The following CHURC1 variants were observed in gnomAD, a reference collection of about 807,000 sequenced individuals.
CHURC1 encodes the protein churchill domain containing 1.
A neutral mutation model predicts 15.4 loss-of-function variants in CHURC1; 12 were observed. That is an observed-to-expected ratio of 0.78 (90% CI 0.50 to 1.27). The LOEUF is 1.27. Ranked by LOEUF, CHURC1 falls within the 50% of genes most tolerant of loss-of-function variation. CHURC1 has a pLI of 0.00. For synonymous variants in CHURC1, 42 were observed against 47.5 expected, an observed-to-expected ratio of 0.88 and a Z score of 0.48; for missense variants, 132 against 137.8, an observed-to-expected ratio of 0.96 and a Z score of 0.21.
intron 1 of CHURC1, among the ~76,000 whole-genome samples, chr14:64,915,058 C>T (rs1022456043): frequency 6.6e-6 from 1 of 152,220 alleles, no homozygotes; most frequent in Admixed American, 6.5e-5. Flanking sequence ...ATCTCAGTTA[C>T]TTTCAGGTTC....
Position 64,932,282 on chromosome 14 carries a change from C to T in CHURC1, c.*52C>T. ...TATATTGTGTTGGTTTACAATACAG[C>T]AAGCCTGATGGTTTGTCTTATTTCA... On this transcript the variant is annotated 3_prime_UTR_variant, in exon 4 of 4. Transcript: ENST00000549115. 6.3e-7 allele frequency: 1 copy of T among 1,590,314 alleles called. No individual in the cohort carries two copies. Among genetic ancestry groups the T allele is most frequent in the Non-Finnish European group, 8.6e-7 (1 of 1,165,506 alleles).
intron 1 of CHURC1, among the ~76,000 whole-genome samples, chr14:64,916,186 A>G (rs533944544): frequency 6.6e-6 from 1 of 152,382 alleles, no homozygotes; most frequent in African/African-American, 2.4e-5. Context: ...CACATAAAGT[A>G]TAATTCAAAA....
intron 1 of CHURC1, among the ~76,000 whole-genome samples, chr14:64,919,274 T>C (rs1441440813): frequency 6.6e-6 from 1 of 152,256 alleles, no homozygotes; most frequent in Non-Finnish European, 1.5e-5. Context: ...CTTGAAATTT[T>C]GTTAGTAATG....
At chr14:64,932,033 A>G in intron 3 of CHURC1, 105 bp from the exon 4 acceptor site, 1 of 1,410,816 alleles carries the variant, frequency 7.1e-7, no homozygotes, top group Middle Eastern at 1.8e-4. Flanking sequence ...CAATGTACAG[A>G]AAGAATATTC....
chr14:64,935,317 T>A lies in CHURC1; in HGVS notation c.*3087T>A. 2 of 802,958 alleles carry A rather than the reference T, an allele frequency of 2.5e-6. No homozygotes were observed. Among genetic ancestry groups the A allele is most frequent in the Non-Finnish European group, 3.0e-6 (2 of 663,994 alleles). The allele number at this position is 802,958 out of a possible 1,614,324, so 49.7% of individuals were successfully genotyped here. On this transcript the variant is annotated 3_prime_UTR_variant, in exon 4 of 4. Transcript: ENST00000549115. ...ACCTGCACATCGTGCACATGTACCC[T>A]AAAACTTAAAGTATAATAATAATAA...
chr14:64,927,714 CCA>C (rs1220646437), intron 3 of CHURC1, among the ~76,000 whole-genome samples: 1 of 59,188 alleles, frequency 1.7e-5, no homozygotes, highest in Non-Finnish European at 3.1e-5. Flanking sequence ...ACTTCTCCCC[CCA>C]CCCCCCCCCC....
chr14:64,926,124 G>T (rs1222581938), intron 3 of CHURC1, 44 bp downstream of exon 3: 2 of 1,398,446 alleles, frequency 1.4e-6, no homozygotes, highest in Non-Finnish European at 9.8e-7. Flanking sequence ...GGGAGGTTAG[G>T]GGAATAATAA....
chr14:64,919,861 G>C (rs1418979346), intron 1 of CHURC1, among the ~76,000 whole-genome samples: 1 of 151,680 alleles, frequency 6.6e-6, no homozygotes, highest in Non-Finnish European at 1.5e-5. Flanking sequence ...TCCAGCCTGG[G>C]TGACAGAGTG....
chr14:64,921,097 A>T (rs1884260286), intron 1 of CHURC1, among the ~76,000 whole-genome samples: 1 of 152,196 alleles, frequency 6.6e-6, no homozygotes, highest in African/African-American at 2.4e-5. Context: ...ATTGTAATTC[A>T]GTGGGGGGAA....
Position 64,932,861 on chromosome 14 carries a change from C to A in CHURC1, c.*631C>A, listed in dbSNP as rs1215529485. The A allele has an allele frequency of 6.6e-6, 1 of 152,104 alleles. No individual in the cohort carries two copies. The highest frequency in any genetic ancestry group is 1.9e-4 in the East Asian group (1 of 5,188). The allele number at this position is 152,104 out of a possible 1,614,324, so 9.4% of individuals were successfully genotyped here. A position where few individuals can be genotyped will look rare whatever the true frequency, so the allele number is the denominator to read the frequency against. On this transcript the variant is annotated 3_prime_UTR_variant, in exon 4 of 4. Coordinates refer to ENST00000549115, the MANE Select transcript of CHURC1 (RefSeq NM_001386928.1). ...TTTCAAATAATTTATGTAGATACTC[C>A]CCACTTAGTGGGCTCTGCATAGTGA...
At chr14:64,917,119 A>G (rs188312292) in intron 1 of CHURC1, among the ~76,000 whole-genome samples, 127 of 152,322 alleles carry the variant, frequency 8.3e-4, no homozygotes, top group African/African-American at 3.0e-3. Flanking sequence ...TAGGCATGAG[A>G]TAATGAAGAC....
chr14:64,925,696 C>CAAAAAAAAAA (rs3033506), intron 2 of CHURC1, among the ~76,000 whole-genome samples: 2 of 66,194 alleles, frequency 3.0e-5, no homozygotes, highest in Admixed American at 1.9e-4. Flanking sequence ...GACCCGGCCT[C>CAAAAAAAAAA]AAAAAAAAAA....
Position 64,932,212 on chromosome 14 carries a change from A to G in CHURC1, c.321A>G (p.Gln107=), listed in dbSNP as rs757003179. The G allele has an allele frequency of 6.2e-7, 1 of 1,614,062 alleles. No homozygotes were observed. Among genetic ancestry groups the G allele is most frequent in the East Asian group, 2.2e-5 (1 of 44,866 alleles). ...GTATTCTCCCTGATGACCCCCGACA[A>G]ATGACTCTCTTATTCTAAGGATCCT... ...TISILPDDPR[Q]MTLLF Residue 107 remains glutamine (Q), a synonymous_variant, in exon 4 of 4, where the codon CAA becomes CAG. Transcript: ENST00000549115.
intron 1 of CHURC1, among the ~76,000 whole-genome samples, chr14:64,920,412 G>A (rs559993493): frequency 1.3e-5 from 2 of 152,242 alleles, no homozygotes; most frequent in East Asian, 3.9e-4. Context: ...CCTGAATAAT[G>A]TGTGCTTTAG....
intron 1 of CHURC1, among the ~76,000 whole-genome samples, chr14:64,920,165 G>C (rs140845709): frequency 1.3e-5 from 2 of 152,020 alleles, no homozygotes; most frequent in African/African-American, 4.8e-5. Flanking sequence ...CAGCTTTCTC[G>C]TAAGATTTTA....
At chr14:64,922,496 T>G (rs1321337287) in intron 1 of CHURC1, among the ~76,000 whole-genome samples, 1 of 145,408 alleles carries the variant, frequency 6.9e-6, no homozygotes, top group East Asian at 2.0e-4. Flanking sequence ...GAGAATGGCA[T>G]GAACCTGGGA....
In CHURC1 at chr14:64,934,582, A is replaced by G. The variant is rs1160104249; in HGVS notation, c.*2352A>G. On this transcript the variant is annotated 3_prime_UTR_variant, in exon 4 of 4. Coordinates refer to ENST00000549115, the MANE Select transcript of CHURC1 (RefSeq NM_001386928.1). ...AGTTAAGTCAGCTGTTGCAGGGATC[A>G]GTTGTTTTATTCCTGGAAAATGTTT... is the stretch of plus-strand genomic sequence containing the variant. 1.0e-6 allele frequency: 1 copy of G among 985,332 alleles called. No homozygotes were observed. The allele number at this position is 985,332 out of a possible 1,614,324, so 61.0% of individuals were successfully genotyped here.
rs531562611 is a variant in CHURC1 at position 64,929,324 on chromosome 14, C to T, written c.247-2814C>T. On this transcript the variant is annotated intron_variant, in intron 3 of 3. Coordinates refer to ENST00000549115, the MANE Select transcript of CHURC1 (RefSeq NM_001386928.1). ...TAAATCTTACCTCTTTCTGCCTGAA[C>T]TCAAATTCCATCTCCTCTTTGCTCT... 1.1e-3 allele frequency among the ~76,000 whole-genome samples: 166 copies of T among 152,274 alleles called. 1 individual carries two copies. The highest frequency in any genetic ancestry group is 3.6e-3 in the African/African-American group (148 of 41,542).
chr14:64,928,165 G>A (rs1280386322), intron 3 of CHURC1, among the ~76,000 whole-genome samples: 1 of 152,006 alleles, frequency 6.6e-6, no homozygotes, highest in East Asian at 1.9e-4. Context: ...ATTTCCTCAG[G>A]AATCTCATGT....
Sources: gnomAD v4.1 joint callset for allele counts (sites outside exome capture counted in the v4.1 genomes callset) on GRCh38, gnomAD v4.1.1 for gene constraint, MANE v1.5 for transcripts, NCBI Gene and HGNC (gene_info 2026-07-23, HGNC 2026-07-21) for gene names.